Variants in MDGA2 observed in about 807,000 individuals in gnomAD.
MDGA2 encodes MAM domain containing glycosylphosphatidylinositol anchor 2, also known as MAM domain-containing glycosylphosphatidylinositol anchor protein 2.
MDGA2 carries 40 observed loss-of-function variants against 117.8 expected under a neutral mutation model. That is an observed-to-expected ratio of 0.34 (90% CI 0.26 to 0.44). The LOEUF (loss-of-function observed/expected upper bound fraction) is 0.44. Among genes scored for constraint, MDGA2 ranks in the 20% least tolerant of loss-of-function variants. The probability of loss-of-function intolerance (pLI) is 1.00; values close to 1 mark genes in which losing one functional copy is unlikely to be tolerated. For synonymous variants in MDGA2, 452 were observed against 439.0 expected, an observed-to-expected ratio of 1.03 and a Z score of -0.37; for missense variants, 1,123 against 1,250.6, an observed-to-expected ratio of 0.90 and a Z score of 1.54.
chr14:47,630,871 A>G (rs1211858583), intron 1 of MDGA2, among the ~76,000 whole-genome samples: 1 of 152,212 alleles, frequency 6.6e-6, no homozygotes, highest in Non-Finnish European at 1.5e-5. Flanking sequence ...TACTTCCTAT[A>G]TTCCAGAGAG....
At chr14:47,105,679 A>T (rs1880619798) in intron 5 of MDGA2, among the ~76,000 whole-genome samples, 1 of 150,986 alleles carries the variant, frequency 6.6e-6, no homozygotes, top group Admixed American at 6.6e-5. Flanking sequence ...CCTGACGTCC[A>T]GGCATTCTTT....
chr14:47,568,301 A>G (rs1038250909), intron 1 of MDGA2, among the ~76,000 whole-genome samples: 2 of 152,212 alleles, frequency 1.3e-5, no homozygotes, highest in African/African-American at 4.8e-5. Context: ...ATCAGCAGTC[A>G]TTCTTTTAAT....
chr14:47,040,791 C>G (rs1480278817), intron 7 of MDGA2, among the ~76,000 whole-genome samples: 1 of 152,158 alleles, frequency 6.6e-6, no homozygotes, highest in Non-Finnish European at 1.5e-5. Flanking sequence ...TTAACCTGTC[C>G]TTGTGACTTT....
chr14:47,588,225 T>G, intron 1 of MDGA2, among the ~76,000 whole-genome samples: 1 of 112,590 alleles, frequency 8.9e-6, no homozygotes, highest in African/African-American at 3.6e-5. Context: ...TCAAATCTCT[T>G]GGAGATAGAT....
At chr14:47,291,904 T>G (rs910629523) in intron 2 of MDGA2, among the ~76,000 whole-genome samples, 1 of 152,230 alleles carries the variant, frequency 6.6e-6, no homozygotes, top group Non-Finnish European at 1.5e-5. Context: ...GCGTTAGCCC[T>G]GATCTAGGGC....
At chr14:47,215,248 A>C (rs535040763) in intron 3 of MDGA2, among the ~76,000 whole-genome samples, 2 of 152,248 alleles carry the variant, frequency 1.3e-5, no homozygotes, top group African/African-American at 4.8e-5. Flanking sequence ...AAATTAACTC[A>C]TTCACTTGCT....
At chr14:47,304,239 A>C (rs1047208148) in intron 1 of MDGA2, among the ~76,000 whole-genome samples, 1 of 152,240 alleles carries the variant, frequency 6.6e-6, no homozygotes, top group Non-Finnish European at 1.5e-5. Flanking sequence ...CATATAGGTC[A>C]GCACTCTTAT....
intron 10 of MDGA2, among the ~76,000 whole-genome samples, chr14:46,912,227 T>C (rs1883733197): frequency 6.6e-6 from 1 of 152,218 alleles, no homozygotes; most frequent in African/African-American, 2.4e-5. Flanking sequence ...TGCATTTTCA[T>C]ATTTTAAAAT....
At chr14:47,017,685 C>T (rs981354606) in intron 8 of MDGA2, among the ~76,000 whole-genome samples, 15 of 151,808 alleles carry the variant, frequency 9.9e-5, no homozygotes, top group African/African-American at 3.6e-4. Context: ...AAAAAAATTG[C>T]CCTCATTTAT....
chr14:47,252,160 G>A (rs1296238102), intron 2 of MDGA2, among the ~76,000 whole-genome samples: 1 of 152,044 alleles, frequency 6.6e-6, no homozygotes, highest in African/African-American at 2.4e-5. Context: ...TAAAGGGAAA[G>A]TGGATAGGGA....
chr14:47,066,602 A>G (rs1159733263), intron 6 of MDGA2, among the ~76,000 whole-genome samples: 1 of 152,216 alleles, frequency 6.6e-6, no homozygotes, highest in Admixed American at 6.5e-5. Flanking sequence ...GACATCGGCT[A>G]TCAGACAACT....
At chr14:47,403,777 A>G (rs966063533) in intron 1 of MDGA2, among the ~76,000 whole-genome samples, 2 of 152,172 alleles carry the variant, frequency 1.3e-5, no homozygotes, top group African/African-American at 4.8e-5. Flanking sequence ...TAGCAAAAAA[A>G]GGAAGGTCTC....
rs572234477 is a variant in MDGA2 at position 46,986,585 on chromosome 14, T to C, written c.1820-28942A>G. On this transcript the variant is annotated intron_variant, in intron 8 of 16. Transcript: ENST00000399232. The stretch of plus-strand genomic sequence containing the variant: ...ATAATTAACTCTGCTGGATTCCAGA[T>C]AGTCTCAAACAGGCTATTGATGAAA... Among the ~76,000 whole-genome samples the C allele has an allele frequency of 2.0e-5, 3 of 152,224 alleles. No homozygotes were observed. The East Asian group carries it at 5.8e-4, about 29-fold the overall frequency.
intron 1 of MDGA2, among the ~76,000 whole-genome samples, chr14:47,563,006 G>A (rs1474703194): frequency 1.3e-5 from 2 of 151,998 alleles, no homozygotes; most frequent in African/African-American, 2.4e-5. Flanking sequence ...AGTCATTCAG[G>A]AGCAGGCTGT....
chr14:47,053,435 C>T (rs747619264), intron 7 of MDGA2, among the ~76,000 whole-genome samples: 1 of 151,570 alleles, frequency 6.6e-6, no homozygotes, highest in African/African-American at 2.4e-5. Context: ...TCTCTCAAAC[C>T]TTCTCACAAA....
At chr14:46,845,902 T>G in intron 15 of MDGA2, 31 bp from the exon 16 acceptor site, 1 of 1,509,932 alleles carries the variant, frequency 6.6e-7, no homozygotes, top group Non-Finnish European at 9.2e-7. Context: ...AACCTAAATG[T>G]GGAGCTTTGA....
At chr14:47,264,900 T>C (rs1266416228) in intron 2 of MDGA2, among the ~76,000 whole-genome samples, 2 of 152,138 alleles carry the variant, frequency 1.3e-5, no homozygotes, top group Non-Finnish European at 2.9e-5. Flanking sequence ...TTCCCCTCCC[T>C]GTGTCAGTGT....
intron 1 of MDGA2, among the ~76,000 whole-genome samples, chr14:47,450,984 A>G (rs1389352035): frequency 6.6e-6 from 1 of 152,134 alleles, no homozygotes; most frequent in Non-Finnish European, 1.5e-5. Flanking sequence ...GAGAGAGATG[A>G]CACATGCCAG....
chr14:47,469,681 G>A (rs572750253), intron 1 of MDGA2, among the ~76,000 whole-genome samples: 4 of 152,188 alleles, frequency 2.6e-5, no homozygotes, highest in African/African-American at 9.6e-5. Flanking sequence ...TAATGGGATG[G>A]CTGGGTCAAA....
Sources: allele counts gnomAD v4.1 joint callset (sites outside exome capture counted in the v4.1 genomes callset), GRCh38; gene constraint gnomAD v4.1.1; transcripts MANE v1.5; gene names NCBI Gene and HGNC (gene_info 2026-07-23, HGNC 2026-07-21).